PLEKHA7: variants seen among roughly 807,000 people sequenced by gnomAD.
PLEKHA7 encodes the protein pleckstrin homology domain-containing family A member 7.
PLEKHA7 carries 104 observed loss-of-function variants against 170.0 expected under a neutral mutation model. That is an observed-to-expected ratio of 0.61 (90% CI 0.52 to 0.72). PLEKHA7 has a LOEUF of 0.72. Ranked by LOEUF, PLEKHA7 falls within the 30% of genes least tolerant of loss-of-function variation. The pLI is 0.00. For missense variants in PLEKHA7, 1,615 were observed against 1,671.7 expected (o/e 0.97, Z 0.59); for synonymous variants, 648 against 660.8 (o/e 0.98, Z 0.30).
At chr11:16,929,694 G>A (rs898697600) in intron 3 of PLEKHA7, among the ~76,000 whole-genome samples, 1 of 152,226 alleles carries the variant, frequency 6.6e-6, no homozygotes, top group Non-Finnish European at 1.5e-5. Flanking sequence ...CAGTGTAGGG[G>A]ATTATTATTT....
At chr11:16,803,558 GATC>G (rs1285181646) in intron 13 of PLEKHA7, 1 of 459,742 alleles carries the variant, frequency 2.2e-6, no homozygotes, top group Non-Finnish European at 3.9e-6. Context: ...CAAGTTAAAG[GATC>G]ATCAATTTTA....
At chr11:16,914,823 C>T (rs1315489813) in intron 3 of PLEKHA7, among the ~76,000 whole-genome samples, 3 of 152,170 alleles carry the variant, frequency 2.0e-5, no homozygotes, top group Admixed American at 6.5e-5. Flanking sequence ...GCCAACTTGC[C>T]TCAAATCACA....
intron 17 of PLEKHA7, among the ~76,000 whole-genome samples, chr11:16,799,366 C>T (rs1848438786): frequency 6.6e-6 from 1 of 152,152 alleles, no homozygotes; most frequent in African/African-American, 2.4e-5. Context: ...AAGGCAATGC[C>T]ACCAATAGAT....
intron 10 of PLEKHA7, among the ~76,000 whole-genome samples, chr11:16,822,875 G>A (rs1044380906): frequency 3.9e-5 from 6 of 152,188 alleles, no homozygotes; most frequent in Non-Finnish European, 8.8e-5. Context: ...AGGGGACCAA[G>A]GCCTCACCAA....
At chr11:16,808,035 G>A (rs553829044) in intron 13 of PLEKHA7, among the ~76,000 whole-genome samples, 3 of 152,280 alleles carry the variant, frequency 2.0e-5, no homozygotes, top group African/African-American at 4.8e-5. Context: ...ATCCCTGGAG[G>A]TTCTTGTGGT....
intron 3 of PLEKHA7, among the ~76,000 whole-genome samples, chr11:16,932,384 C>G (rs1018415252): frequency 2.7e-5 from 4 of 150,748 alleles, no homozygotes; most frequent in African/African-American, 7.3e-5. Context: ...CTCAGGTGAT[C>G]CTCTCACCTC....
At chr11:16,786,054 G>A (rs1430539594) in intron 24 of PLEKHA7, among the ~76,000 whole-genome samples, 175 bp downstream of exon 24, 2 of 152,160 alleles carry the variant, frequency 1.3e-5, no homozygotes, top group East Asian at 3.9e-4. Flanking sequence ...AACCTTCATC[G>A]AAACATCTGG....
At position 16,826,521 on chromosome 11, in the gene PLEKHA7, G is replaced by A. The variant is rs1299644605; in HGVS notation, c.942C>T (p.Gly314=). 3.7e-6 allele frequency: 6 copies of A among 1,614,162 alleles called. No individual in the cohort carries two copies. Among genetic ancestry groups the A allele is most frequent in the Non-Finnish European group, 4.2e-6 (5 of 1,180,044 alleles). ...CTCTCGTATGTCCGGGTCCCACCCG[G>A]CCACATTCGTGACAGGACTCTGTGT... ...ANHTESCHEC[G]RVGPGHTRDC... The change falls in exon 10 of 27, where the codon GGC becomes GGT. Residue 314 remains glycine (G), a synonymous_variant. Coordinates refer to ENST00000531066, the MANE Select transcript of PLEKHA7 (RefSeq NM_001329630.2).
chr11:16,894,199 G>A (rs1565083835), intron 3 of PLEKHA7, among the ~76,000 whole-genome samples: 1 of 152,218 alleles, frequency 6.6e-6, no homozygotes, highest in Non-Finnish European at 1.5e-5. Flanking sequence ...AGCATCAGGG[G>A]TTGGGGGACA....
At chr11:16,924,197 G>A (rs1010374667) in intron 3 of PLEKHA7, among the ~76,000 whole-genome samples, 1 of 152,170 alleles carries the variant, frequency 6.6e-6, no homozygotes, top group East Asian at 1.9e-4. Flanking sequence ...GGACAGGAGG[G>A]AAACTGAAAC....
chr11:16,782,612 G>T, intron 26 of PLEKHA7, 142 bp downstream of exon 26: 1 of 1,092,128 alleles, frequency 9.2e-7, no homozygotes, highest in Non-Finnish European at 1.3e-6. Flanking sequence ...ATGCCGAGTG[G>T]TCAGGGGAAC....
intron 8 of PLEKHA7, among the ~76,000 whole-genome samples, chr11:16,848,887 C>G (rs1852687699): frequency 6.6e-6 from 1 of 152,186 alleles, no homozygotes; most frequent in Non-Finnish European, 1.5e-5. Flanking sequence ...AGACAGGTGT[C>G]AAGGCCAATC....
Position 16,794,587 on chromosome 11 carries a change from G to A in PLEKHA7, c.2646C>T (p.Phe882=), listed in dbSNP as rs201484450. 196 of 1,613,514 alleles carry A rather than the reference G, an allele frequency of 1.2e-4. 1 individual carries two copies. The Middle Eastern group carries it at 4.9e-3, about 41-fold the overall frequency. ...PVRTPLEVRL[F]PQLQTYVPYR... ...ACGGCACGTAGGTTTGCAGCTGGGG[G>A]AAGAGTCGAACCTCCAGAGGGGTCC... Residue 882 remains phenylalanine, a synonymous_variant, in exon 19 of 27, where the codon TTC becomes TTT. Coordinates refer to ENST00000531066, the MANE Select transcript of PLEKHA7 (RefSeq NM_001329630.2).
intron 8 of PLEKHA7, among the ~76,000 whole-genome samples, chr11:16,843,954 C>CA (rs984329035): frequency 5.3e-5 from 8 of 151,892 alleles, no homozygotes; most frequent in South Asian, 2.1e-4. Flanking sequence ...AACAAACAAA[C>CA]AAAAAAACAG....
chr11:16,961,143 T>A (rs1862035307), intron 3 of PLEKHA7, among the ~76,000 whole-genome samples: 1 of 152,124 alleles, frequency 6.6e-6, no homozygotes, highest in Non-Finnish European at 1.5e-5. Flanking sequence ...AACCCTCAAG[T>A]TTTAGAAAAA....
At chr11:16,932,084 A>T (rs1251053771) in intron 3 of PLEKHA7, among the ~76,000 whole-genome samples, 1 of 152,170 alleles carries the variant, frequency 6.6e-6, no homozygotes, top group East Asian at 1.9e-4. Context: ...GTGAGTTAAA[A>T]TCTAGGCTCA....
At chr11:16,861,763 T>C (rs1320781022) in intron 4 of PLEKHA7, among the ~76,000 whole-genome samples, 1 of 152,176 alleles carries the variant, frequency 6.6e-6, no homozygotes, top group Non-Finnish European at 1.5e-5. Context: ...CATTAATTCC[T>C]GGGAAAGCTG....
chr11:16,997,732 T>C (rs2137011332), intron 3 of PLEKHA7, among the ~76,000 whole-genome samples: 1 of 152,252 alleles, frequency 6.6e-6, no homozygotes, highest in Admixed American at 6.5e-5. Context: ...TGACAATTCC[T>C]ACTAAACCCA....
chr11:16,990,202 C>T (rs190809045), intron 3 of PLEKHA7, among the ~76,000 whole-genome samples: 65 of 146,672 alleles, frequency 4.4e-4, no homozygotes, highest in African/African-American at 1.5e-3. Flanking sequence ...ATAAATAAAA[C>T]ACCCTCTCTT....
Sources: allele counts gnomAD v4.1 joint callset (sites outside exome capture counted in the v4.1 genomes callset), GRCh38; gene constraint gnomAD v4.1.1; transcripts MANE v1.5; gene names NCBI Gene and HGNC (gene_info 2026-07-23, HGNC 2026-07-21).